CDH13: variants seen among roughly 807,000 people sequenced by gnomAD.
The protein encoded by CDH13 is cadherin-13.
CDH13 carries 24 observed loss-of-function variants against 63.8 expected under a neutral mutation model. That is an observed-to-expected ratio of 0.38 (90% CI 0.27 to 0.53). CDH13 has a LOEUF of 0.53. Among genes scored for constraint, CDH13 ranks in the 20% least tolerant of loss-of-function variants. The pLI is 0.85. For missense variants in CDH13, 1,049 were observed against 903.1 expected (o/e 1.16, Z -2.07); for synonymous variants, 503 against 355.3 (o/e 1.42, Z -4.67).
chr16:83,473,011 C>T (rs889031618), intron 6 of CDH13, among the ~76,000 whole-genome samples: 6 of 152,104 alleles, frequency 3.9e-5, no homozygotes, highest in Admixed American at 3.9e-4. Flanking sequence ...TCCATGGGGG[C>T]ACAGGTGGCC....
chr16:82,638,849 C>A (rs12922550), intron 1 of CDH13, among the ~76,000 whole-genome samples: 3 of 150,596 alleles, frequency 2.0e-5, no homozygotes, highest in Non-Finnish European at 4.5e-5. Context: ...TGTGCATGCA[C>A]GCACCAGTGC....
intron 4 of CDH13, among the ~76,000 whole-genome samples, chr16:83,130,981 C>A (rs1273997036): frequency 1.3e-5 from 2 of 152,162 alleles, no homozygotes; most frequent in Non-Finnish European, 2.9e-5. Context: ...GTTATTCAGG[C>A]AGCTCCAGGG....
At chr16:83,745,855 C>T (rs544089074) in intron 10 of CDH13, among the ~76,000 whole-genome samples, 1 of 152,196 alleles carries the variant, frequency 6.6e-6, no homozygotes, top group Admixed American at 6.5e-5. Flanking sequence ...CAGAGGCCAC[C>T]TTTTCTCAGA....
intron 2 of CDH13, among the ~76,000 whole-genome samples, chr16:82,926,443 C>A (rs926322797): frequency 6.6e-6 from 1 of 152,184 alleles, no homozygotes; most frequent in African/African-American, 2.4e-5. Flanking sequence ...ATAAACCTTG[C>A]CCTGAACAAT....
At chr16:83,225,570 G>A (rs1305777973) in intron 5 of CDH13, among the ~76,000 whole-genome samples, 1 of 152,174 alleles carries the variant, frequency 6.6e-6, no homozygotes, top group Non-Finnish European at 1.5e-5. Context: ...CCTGATAGGG[G>A]AAATTAGCCT....
chr16:82,703,941 G>A (rs1016217185), intron 1 of CDH13, among the ~76,000 whole-genome samples: 3 of 152,136 alleles, frequency 2.0e-5, no homozygotes, highest in Non-Finnish European at 4.4e-5. Context: ...AGACTCCTTT[G>A]CATTCAGCTT....
chr16:83,388,096 C>T (rs1189740770), intron 6 of CDH13, among the ~76,000 whole-genome samples: 4 of 152,146 alleles, frequency 2.6e-5, no homozygotes, highest in South Asian at 2.1e-4. Flanking sequence ...CACCCTGAGG[C>T]TGTACTTGGC....
chr16:83,113,367 C>G (rs9931174), intron 3 of CDH13, among the ~76,000 whole-genome samples: 2,583 of 152,368 alleles, frequency 0.017, 71 homozygotes, highest in African/African-American at 0.059. Context: ...AGCTACTGTG[C>G]TAACTCCGTT....
At chr16:83,165,971 G>A (rs925589499) in intron 4 of CDH13, among the ~76,000 whole-genome samples, 1 of 152,120 alleles carries the variant, frequency 6.6e-6, no homozygotes, top group African/African-American at 2.4e-5. Flanking sequence ...CAAGGCAAAA[G>A]AGTAGTTAGC....
At chr16:83,421,821 T>A (rs1485153498) in intron 6 of CDH13, among the ~76,000 whole-genome samples, 1 of 152,242 alleles carries the variant, frequency 6.6e-6, no homozygotes, top group Non-Finnish European at 1.5e-5. Context: ...CTTTCAGACA[T>A]TGAAATGCTT....
At chr16:82,793,637 A>T (rs1408877058) in intron 1 of CDH13, among the ~76,000 whole-genome samples, 3 of 152,168 alleles carry the variant, frequency 2.0e-5, no homozygotes, top group African/African-American at 7.2e-5. Flanking sequence ...TGCCCGATAT[A>T]GTAACAGAGC....
At chr16:82,783,619 A>T (rs1043882160) in intron 1 of CDH13, among the ~76,000 whole-genome samples, 5 of 152,248 alleles carry the variant, frequency 3.3e-5, no homozygotes, top group Admixed American at 2.6e-4. Flanking sequence ...TTGGAGCCAA[A>T]GTAAGTTCTT....
intron 6 of CDH13, among the ~76,000 whole-genome samples, chr16:83,475,533 C>T (rs1316996424): frequency 6.6e-6 from 1 of 152,140 alleles, no homozygotes; most frequent in Non-Finnish European, 1.5e-5. Context: ...TAGGGTTGGA[C>T]TGTTATCTCA....
chr16:83,109,920 T>G (rs2034976377), intron 3 of CDH13, among the ~76,000 whole-genome samples: 1 of 152,266 alleles, frequency 6.6e-6, no homozygotes, highest in Non-Finnish European at 1.5e-5. Context: ...ATTTGTGTTG[T>G]TATTGCTCCT....
At chr16:82,980,160 G>A (rs1057053751) in intron 2 of CDH13, among the ~76,000 whole-genome samples, 11 of 152,302 alleles carry the variant, frequency 7.2e-5, no homozygotes, top group Admixed American at 6.5e-4. Flanking sequence ...AGACAGTGAG[G>A]TGTGTGTGCA....
intron 1 of CDH13, among the ~76,000 whole-genome samples, chr16:82,791,976 A>G (rs1024518523): frequency 6.6e-6 from 1 of 152,164 alleles, no homozygotes; most frequent in Non-Finnish European, 1.5e-5. Context: ...ACCCGCCCGT[A>G]TCATGGGGAT....
intron 1 of CDH13, among the ~76,000 whole-genome samples, chr16:82,694,534 A>G (rs553708790): frequency 6.6e-6 from 1 of 152,276 alleles, no homozygotes; most frequent in Admixed American, 6.5e-5. Flanking sequence ...TACTAAGACT[A>G]TAAAACTGAA....
At chr16:82,871,155 A>G (rs755663643) in intron 2 of CDH13, among the ~76,000 whole-genome samples, 4 of 152,236 alleles carry the variant, frequency 2.6e-5, no homozygotes, top group Non-Finnish European at 5.9e-5. Flanking sequence ...TACAGTGCTA[A>G]GGGGTGAGAG....
intron 1 of CDH13, among the ~76,000 whole-genome samples, chr16:82,682,137 C>G (rs1295917174): frequency 2.0e-5 from 3 of 152,184 alleles, no homozygotes; most frequent in Non-Finnish European, 4.4e-5. Flanking sequence ...TTCATTTTGC[C>G]TCTCTTGTTC....
Sources: gnomAD v4.1 joint callset for allele counts (sites outside exome capture counted in the v4.1 genomes callset) on GRCh38, gnomAD v4.1.1 for gene constraint, MANE v1.5 for transcripts, NCBI Gene and HGNC (gene_info 2026-07-23, HGNC 2026-07-21) for gene names.